The following R3HDM1 variants were observed in gnomAD, a reference collection of about 807,000 sequenced individuals.
R3HDM1 encodes R3H domain-containing protein 1.
R3HDM1 carries 46 observed loss-of-function variants against 141.1 expected under a neutral mutation model. The observed-to-expected ratio is 0.33, with a 90% CI of 0.26 to 0.42. The LOEUF is 0.42. R3HDM1 is among the 10% of genes least tolerant of loss of function. R3HDM1 has a pLI of 1.00. For synonymous variants in R3HDM1, 435 were observed against 472.9 expected (o/e 0.92, Z 1.04); for missense variants, 1,184 against 1,368.3 (o/e 0.87, Z 2.12).
At chr2:135,648,284 C>G (rs893876590) in intron 16 of R3HDM1, among the ~76,000 whole-genome samples, 18 of 152,080 alleles carry the variant, frequency 1.2e-4, no homozygotes, top group African/African-American at 3.4e-4. Flanking sequence ...TTAAGCTTAT[C>G]TAAGCTTTTG....
At chr2:135,709,698 C>A (rs747864688) in intron 22 of R3HDM1, among the ~76,000 whole-genome samples, 162 bp downstream of exon 22, 1 of 152,142 alleles carries the variant, frequency 6.6e-6, no homozygotes, top group Non-Finnish European at 1.5e-5. Context: ...ATGTGCAGTC[C>A]ACTTCTTCCT....
intron 21 of R3HDM1, among the ~76,000 whole-genome samples, chr2:135,687,149 A>G (rs1469915475): frequency 6.6e-6 from 1 of 152,216 alleles, no homozygotes; most frequent in Non-Finnish European, 1.5e-5. Flanking sequence ...GAGCCGAGAT[A>G]GTGCCACTGC....
chr2:135,572,157 C>T (rs1704268316), intron 1 of R3HDM1, among the ~76,000 whole-genome samples: 1 of 152,048 alleles, frequency 6.6e-6, no homozygotes, highest in African/African-American at 2.4e-5. Flanking sequence ...AGAGTTTCAC[C>T]GTGTTAGCCA....
intron 20 of R3HDM1, among the ~76,000 whole-genome samples, chr2:135,679,416 G>A (rs893965509): frequency 2.0e-5 from 3 of 152,096 alleles, no homozygotes; most frequent in African/African-American, 7.2e-5. Flanking sequence ...AAGAAGCTAA[G>A]GAGCCTCAGA....
At chr2:135,673,772 C>T (rs1206118798) in intron 19 of R3HDM1, among the ~76,000 whole-genome samples, 1 of 152,146 alleles carries the variant, frequency 6.6e-6, no homozygotes, top group Non-Finnish European at 1.5e-5. Flanking sequence ...TACAAAAACC[C>T]TTCACTGTTA....
chr2:135,662,316 T>C (rs2066833074), intron 19 of R3HDM1, among the ~76,000 whole-genome samples: 1 of 152,234 alleles, frequency 6.6e-6, no homozygotes, highest in African/African-American at 2.4e-5. Flanking sequence ...TCGTCAGGGT[T>C]ACCACCAGTT....
chr2:135,697,860 C>T (rs986168984), intron 21 of R3HDM1, among the ~76,000 whole-genome samples: 3 of 151,920 alleles, frequency 2.0e-5, no homozygotes, highest in Admixed American at 2.0e-4. Flanking sequence ...TTGAGACCAG[C>T]CTGACCAATA....
At chr2:135,698,071 A>AG (rs1279046381) in intron 21 of R3HDM1, among the ~76,000 whole-genome samples, 1 of 150,736 alleles carries the variant, frequency 6.6e-6, no homozygotes, top group Non-Finnish European at 1.5e-5. Flanking sequence ...AAAAAAAAAA[A>AG]GTAAGTGCTC....
At chr2:135,544,165 T>C (rs1698209307) in intron 1 of R3HDM1, among the ~76,000 whole-genome samples, 1 of 152,236 alleles carries the variant, frequency 6.6e-6, no homozygotes, top group Non-Finnish European at 1.5e-5. Flanking sequence ...TTCATTTATA[T>C]TTGTCGACCT....
At chr2:135,634,140 T>C (rs537628191) in intron 9 of R3HDM1, among the ~76,000 whole-genome samples, 1 of 152,326 alleles carries the variant, frequency 6.6e-6, no homozygotes, top group South Asian at 2.1e-4. Flanking sequence ...AAAGCTGTTT[T>C]TCGTCTTCCT....
chr2:135,616,673 C>T lies in R3HDM1; in HGVS notation c.219C>T (p.Ser73=), dbSNP rs780173706. Residue 73 remains serine (S), a synonymous_variant, in exon 5 of 27, where the codon AGC becomes AGT. Transcript: ENST00000683871. The stretch of plus-strand genomic sequence containing the variant: ...TTATAAATACTTCTCTTTAGTCAAG[C>T]TCAAAGTTAAAGCTAGTTCGGAGCC... ...FGQTGKRSKS[S]SKLKLVRSLA... 10 of 1,601,682 alleles carry T rather than the reference C, an allele frequency of 6.2e-6. No homozygotes were observed. Among genetic ancestry groups the T allele is most frequent in the Non-Finnish European group, 8.5e-6 (10 of 1,171,262 alleles).
In R3HDM1 at chr2:135,661,892, TATTG is replaced by T. The variant is rs142563975; in HGVS notation, c.2152+506_2152+509del. 3.8e-3 allele frequency among the ~76,000 whole-genome samples: 574 copies of T among 152,390 alleles called. 2 individuals carry two copies. The highest frequency in any genetic ancestry group is 0.013 in the African/African-American group (525 of 41,596). ...ATTTTCTGTGTTTTGCTTTTCAGTT[TATTG>T]ATTGATAGTGAAAAGTATTTTTAAA... On this transcript the variant is annotated intron_variant, in intron 19 of 26. Coordinates refer to ENST00000683871, the MANE Select transcript of R3HDM1 (RefSeq NM_001378107.1).
At chr2:135,686,702 GTA>G (rs1244292538) in intron 21 of R3HDM1, among the ~76,000 whole-genome samples, 1 of 152,154 alleles carries the variant, frequency 6.6e-6, no homozygotes, top group African/African-American at 2.4e-5. Flanking sequence ...TTACGCCACT[GTA>G]TTCCAGCTTA....
At chr2:135,549,415 C>A (rs950604883) in intron 1 of R3HDM1, among the ~76,000 whole-genome samples, 1 of 151,626 alleles carries the variant, frequency 6.6e-6, no homozygotes, top group Admixed American at 6.6e-5. Flanking sequence ...ATTAGCTGGG[C>A]GTGATGGTGG....
At position 135,694,619 on chromosome 2, in the gene R3HDM1, C is replaced by T. The variant is rs191002541; in HGVS notation, c.2459+14295C>T. Among the ~76,000 whole-genome samples, 5 of 152,252 alleles carry T rather than the reference C, an allele frequency of 3.3e-5. No individual in the cohort carries two copies. The East Asian group carries it at 9.6e-4, about 29-fold the overall frequency. ...ACAAAAGAAGTGAGTCTTAGGATTG[C>T]CCCAGCTTAGTGCCACAAGAATGTT... On this transcript the variant is annotated intron_variant, in intron 21 of 26. Transcript: ENST00000683871.
intron 1 of R3HDM1, among the ~76,000 whole-genome samples, chr2:135,570,963 A>G (rs1252482426): frequency 2.6e-5 from 4 of 152,198 alleles, no homozygotes; most frequent in African/African-American, 9.7e-5. Flanking sequence ...CAAAAATTGC[A>G]TTTTGACCCC....
intron 17 of R3HDM1, chr2:135,650,436 A>G: frequency 2.0e-6 from 2 of 982,822 alleles, no homozygotes; most frequent in South Asian, 9.4e-5. Flanking sequence ...GAGGACTTCT[A>G]AGTATATTTT....
Position 135,622,716 on chromosome 2 carries a change from T to C in R3HDM1, c.481T>C (p.Leu161=). Residue 161 remains leucine (L), a synonymous_variant, in exon 7 of 27, where the codon TTA becomes CTA. Transcript: ENST00000683871. ...TCTACATGAATTTTTAGTAAATACA[T>C]TAAAAAACAATCCCAGGTAAAAATT... is the stretch of plus-strand genomic sequence containing the variant. ...IDLHEFLVNT[L]KNNPRDRMML... is the part of the protein sequence containing the mutation. The C allele has an allele frequency of 6.3e-7, 1 of 1,589,298 alleles. No individual in the cohort carries two copies. Among genetic ancestry groups the C allele is most frequent in the East Asian group, 2.2e-5 (1 of 44,490 alleles).
At chr2:135,556,996 A>G (rs1700908082) in intron 1 of R3HDM1, among the ~76,000 whole-genome samples, 2 of 152,026 alleles carry the variant, frequency 1.3e-5, no homozygotes. Context: ...GATCTTGCTT[A>G]TTTTAGAAAT....
Sources: gnomAD v4.1 joint callset for allele counts (sites outside exome capture counted in the v4.1 genomes callset) on GRCh38, gnomAD v4.1.1 for gene constraint, MANE v1.5 for transcripts, NCBI Gene and HGNC (gene_info 2026-07-23, HGNC 2026-07-21) for gene names.